PARP8: variants seen among roughly 807,000 people sequenced by gnomAD.
PARP8 encodes the protein protein mono-ADP-ribosyltransferase PARP8.
In PARP8, 51 loss-of-function variants were observed where a neutral mutation model predicts 124.1. The ratio of observed to expected loss-of-function variants is 0.41; its 90% CI spans 0.33 to 0.52. The LOEUF (loss-of-function observed/expected upper bound fraction) is 0.52, where lower values mean the gene tolerates loss of function less well. PARP8 is among the 20% of genes least tolerant of loss of function. The pLI is 0.21. For synonymous variants in PARP8, 391 were observed against 361.5 expected, an observed-to-expected ratio of 1.08 and a Z score of -0.93; for missense variants, 860 against 1,018.9, an observed-to-expected ratio of 0.84 and a Z score of 2.12.
chr5:50,814,849 A>C (rs1215829806), intron 14 of PARP8, among the ~76,000 whole-genome samples: 1 of 152,170 alleles, frequency 6.6e-6, no homozygotes, highest in Non-Finnish European at 1.5e-5. Context: ...AGCTCTTCCA[A>C]AGTAATTGCA....
intron 2 of PARP8, among the ~76,000 whole-genome samples, chr5:50,698,825 C>T (rs1209451386): frequency 6.6e-6 from 1 of 152,140 alleles, no homozygotes; most frequent in African/African-American, 2.4e-5. Context: ...GTTTAATAAA[C>T]TATGCCAGCC....
intron 2 of PARP8, among the ~76,000 whole-genome samples, chr5:50,694,003 G>C (rs188373110): frequency 6.6e-6 from 1 of 151,980 alleles, no homozygotes; most frequent in Non-Finnish European, 1.5e-5. Flanking sequence ...CCTAAATGGT[G>C]TCTTGCAAGT....
chr5:50,783,428 A>G lies in PARP8; in HGVS notation c.670+4778A>G, dbSNP rs1740892842. On this transcript the variant is annotated intron_variant, in intron 9 of 25. Coordinates refer to ENST00000281631, the MANE Select transcript of PARP8 (RefSeq NM_024615.4). Reference sequence around the variant, plus strand: ...ATGTGTATATCCTTGTCAAATGCATAGTGCTGTTAGACATTTTTTGATTTA... The same window carrying G: ...ATGTGTATATCCTTGTCAAATGCATGGTGCTGTTAGACATTTTTTGATTTA... Among the ~76,000 whole-genome samples the G allele has an allele frequency of 1.3e-5, 2 of 152,212 alleles. 1 individual carries two copies. Among genetic ancestry groups the G allele is most frequent in the South Asian group, 4.1e-4 (2 of 4,826 alleles).
chr5:50,679,516 T>C (rs915142754), intron 2 of PARP8, among the ~76,000 whole-genome samples: 32 of 152,226 alleles, frequency 2.1e-4, no homozygotes, highest in African/African-American at 7.5e-4. Flanking sequence ...CAGGGTGGGC[T>C]CTAGAGCTTT....
intron 2 of PARP8, among the ~76,000 whole-genome samples, chr5:50,730,066 C>T (rs1756825006): frequency 6.6e-6 from 1 of 152,132 alleles, no homozygotes; most frequent in South Asian, 2.1e-4. Flanking sequence ...TGCTTGTGTA[C>T]TACTAATTAG....
At chr5:50,822,841 C>T (rs1242295418) in intron 17 of PARP8, among the ~76,000 whole-genome samples, 2 of 152,070 alleles carry the variant, frequency 1.3e-5, no homozygotes, top group Non-Finnish European at 2.9e-5. Context: ...AGATGCCAGG[C>T]TCCCGGAGAG....
At chr5:50,810,867 T>C (rs776736341) in intron 14 of PARP8, among the ~76,000 whole-genome samples, 5 of 152,104 alleles carry the variant, frequency 3.3e-5, no homozygotes, top group Non-Finnish European at 5.9e-5. Context: ...TTACTTAGTA[T>C]GGTGTATGGT....
chr5:50,722,640 C>T (rs1274043331), intron 2 of PARP8, among the ~76,000 whole-genome samples: 1 of 152,058 alleles, frequency 6.6e-6, no homozygotes, highest in Non-Finnish European at 1.5e-5. Context: ...CCGTTGGGCC[C>T]CTGGAATCCA....
Position 50,798,239 on chromosome 5 carries a change from T to G in PARP8, c.1575+1006T>G, listed in dbSNP as rs1230021829. On this transcript the variant is annotated intron_variant, in intron 14 of 25. Coordinates refer to ENST00000281631, the MANE Select transcript of PARP8 (RefSeq NM_024615.4). ...TGGAATTGCTAGAACATATGTTAAC[T>G]CTGTTTAACTTTTTGAGGAACAGCC... is the stretch of plus-strand genomic sequence containing the variant. Among the ~76,000 whole-genome samples, 7 of 152,312 alleles carry G rather than the reference T, an allele frequency of 4.6e-5. No homozygotes were observed. The East Asian group carries it at 1.3e-3, about 29-fold the overall frequency.
intron 7 of PARP8, among the ~76,000 whole-genome samples, chr5:50,765,154 G>A (rs903853486): frequency 2.0e-5 from 3 of 151,662 alleles, no homozygotes; most frequent in Non-Finnish European, 4.4e-5. Context: ...CCAGCTACTC[G>A]AGAAGGCTGA....
At chr5:50,680,591 C>A (rs1255503298) in intron 2 of PARP8, among the ~76,000 whole-genome samples, 3 of 152,182 alleles carry the variant, frequency 2.0e-5, no homozygotes, top group Non-Finnish European at 4.4e-5. Context: ...TTCTCCCCAA[C>A]TCTCATTCCC....
chr5:50,788,111 A>G (rs967767480), intron 9 of PARP8, among the ~76,000 whole-genome samples: 4 of 147,698 alleles, frequency 2.7e-5, no homozygotes, highest in Non-Finnish European at 5.9e-5. Flanking sequence ...ACTGTCCTAC[A>G]TGTGGCCAGT....
chr5:50,734,352 A>T (rs1757276694), intron 2 of PARP8, among the ~76,000 whole-genome samples: 1 of 152,180 alleles, frequency 6.6e-6, no homozygotes, highest in Non-Finnish European at 1.5e-5. Context: ...AAAAAGGAGA[A>T]GGAAAGGTTT....
chr5:50,764,085 C>T (rs938231530), intron 7 of PARP8, among the ~76,000 whole-genome samples: 1 of 152,218 alleles, frequency 6.6e-6, no homozygotes, highest in African/African-American at 2.4e-5. Context: ...GTCAGCTTCT[C>T]TCTGAGCCTT....
chr5:50,752,071 C>T (rs1004779685), intron 3 of PARP8, among the ~76,000 whole-genome samples: 1 of 151,902 alleles, frequency 6.6e-6, no homozygotes, highest in Admixed American at 6.6e-5. Context: ...AGCATGCTTC[C>T]AGTTGTTTTC....
At chr5:50,691,666 T>C (rs1215256090) in intron 2 of PARP8, among the ~76,000 whole-genome samples, 1 of 152,142 alleles carries the variant, frequency 6.6e-6, no homozygotes, top group African/African-American at 2.4e-5. Flanking sequence ...CTGTTGTTCT[T>C]CTGTAATCTG....
intron 2 of PARP8, among the ~76,000 whole-genome samples, chr5:50,690,669 C>T (rs1330331561): frequency 9.9e-5 from 15 of 152,280 alleles, no homozygotes; most frequent in African/African-American, 2.9e-4. Context: ...GTCTAAAGAT[C>T]TATTCACCTA....
At chr5:50,813,537 A>C (rs559324928) in intron 14 of PARP8, among the ~76,000 whole-genome samples, 138 of 152,278 alleles carry the variant, frequency 9.1e-4, no homozygotes, top group African/African-American at 3.2e-3. Flanking sequence ...GTCATCTGCA[A>C]ACAGGGACAA....
chr5:50,705,496 G>A (rs1754041623), intron 2 of PARP8, among the ~76,000 whole-genome samples: 1 of 152,064 alleles, frequency 6.6e-6, no homozygotes, highest in South Asian at 2.1e-4. Context: ...AAATTTAAAA[G>A]GAATTGATGG....
Sources: allele counts gnomAD v4.1 joint callset (sites outside exome capture counted in the v4.1 genomes callset), GRCh38; gene constraint gnomAD v4.1.1; transcripts MANE v1.5; gene names NCBI Gene and HGNC (gene_info 2026-07-23, HGNC 2026-07-21).